Variants in ALDH1A1 observed in about 807,000 individuals in gnomAD.
ALDH1A1 encodes aldehyde dehydrogenase 1 family member A1.
ALDH1A1 carries 19 observed loss-of-function variants against 62.1 expected under a neutral mutation model. That is an observed-to-expected ratio of 0.31 (90% confidence interval 0.21 to 0.45). The LOEUF (loss-of-function observed/expected upper bound fraction) is 0.45. Ranked by LOEUF, ALDH1A1 falls within the 20% of genes least tolerant of loss-of-function variation. The pLI is 1.00. For missense variants in ALDH1A1, 521 were observed against 607.1 expected, an observed-to-expected ratio of 0.86 and a Z score of 1.49; for synonymous variants, 231 against 215.9, an observed-to-expected ratio of 1.07 and a Z score of -0.61.
chr9:72,948,850 A>G (rs1830504289), intron 1 of ALDH1A1, among the ~76,000 whole-genome samples: 1 of 151,766 alleles, frequency 6.6e-6, no homozygotes, highest in African/African-American at 2.4e-5. Context: ...AATATGGGAG[A>G]AACGAAAAGC....
intron 9 of ALDH1A1, among the ~76,000 whole-genome samples, chr9:72,914,486 T>C (rs1052728796): frequency 2.6e-5 from 4 of 152,174 alleles, no homozygotes; most frequent in African/African-American, 9.6e-5. Context: ...GAGGCTGGAT[T>C]TTAAATCCAG....
intron 10 of ALDH1A1, among the ~76,000 whole-genome samples, chr9:72,911,710 C>A (rs560222529): frequency 1.3e-4 from 20 of 152,292 alleles, no homozygotes; most frequent in African/African-American, 4.6e-4. Flanking sequence ...GCTGTGAAGG[C>A]AGCACCTGAA....
chr9:72,909,577 G>A (rs368051918), intron 11 of ALDH1A1, 25 bp downstream of exon 11: 5 of 1,588,918 alleles, frequency 3.1e-6, no homozygotes, highest in African/African-American at 1.4e-5. Context: ...TACTGAAAAG[G>A]CTACATTCCT....
chr9:72,930,172 T>C (rs1332634804), intron 3 of ALDH1A1, among the ~76,000 whole-genome samples: 3 of 152,200 alleles, frequency 2.0e-5, no homozygotes, highest in Non-Finnish European at 4.4e-5. Context: ...TTCATCATAA[T>C]GCCCAATTGA....
intron 11 of ALDH1A1, 46 bp downstream of exon 11, chr9:72,909,556 A>C (rs148476322): frequency 6.5e-7 from 1 of 1,534,632 alleles, no homozygotes; most frequent in Non-Finnish European, 8.8e-7. Context: ...GTAATCTGTT[A>C]ATGTGGTTAT....
At chr9:72,942,913 T>C (rs1334283494) in intron 1 of ALDH1A1, among the ~76,000 whole-genome samples, 1 of 152,168 alleles carries the variant, frequency 6.6e-6, no homozygotes, top group East Asian at 1.9e-4. Context: ...ATCCTACTGA[T>C]AAATTACTTA....
intron 1 of ALDH1A1, 72 bp from the exon 2 acceptor site, chr9:72,940,324 T>A: frequency 9.3e-7 from 1 of 1,080,824 alleles, no homozygotes; most frequent in Non-Finnish European, 1.4e-6. Context: ...TTCATAAACT[T>A]AAACTAAAGC....
At chr9:72,931,926 T>A (rs574141305) in intron 2 of ALDH1A1, among the ~76,000 whole-genome samples, 3 of 152,360 alleles carry the variant, frequency 2.0e-5, no homozygotes, top group South Asian at 4.1e-4. Context: ...TTCACTCTCA[T>A]AGTGCCTTCA....
intron 12 of ALDH1A1, 82 bp downstream of exon 12, chr9:72,905,876 T>C: frequency 5.1e-6 from 6 of 1,185,588 alleles, no homozygotes; most frequent in Non-Finnish European, 7.1e-6. Flanking sequence ...TTATGTAAGG[T>C]GAAAACTATG....
rs1284016360 is a variant in ALDH1A1 at position 72,900,846 on chromosome 9, C to G, written c.*362G>C. On this transcript the variant is annotated 3_prime_UTR_variant, in exon 13 of 13. Transcript: ENST00000297785. ...CTGCAGTTAACGTGTATGTTAAGTACTTCAAGAGTCACTAAGGGAAAGAAG... is the reference window on the plus strand; with the variant it reads ...CTGCAGTTAACGTGTATGTTAAGTAGTTCAAGAGTCACTAAGGGAAAGAAG... 5.6e-6 allele frequency: 1 copy of G among 177,708 alleles called. No homozygotes were observed. Among genetic ancestry groups the G allele is most frequent in the Non-Finnish European group, 1.2e-5 (1 of 83,346 alleles). 11.0% of individuals were successfully genotyped at this position (177,708 alleles called of 1,614,324 possible).
intron 1 of ALDH1A1, among the ~76,000 whole-genome samples, chr9:72,950,523 A>T (rs1830531528): frequency 6.6e-6 from 1 of 151,930 alleles, no homozygotes; most frequent in Non-Finnish European, 1.5e-5. Flanking sequence ...ACCCCAACAA[A>T]GAAATAATCA....
chr9:72,937,196 C>T (rs1362200177), intron 2 of ALDH1A1, among the ~76,000 whole-genome samples: 1 of 151,944 alleles, frequency 6.6e-6, no homozygotes, highest in East Asian at 1.9e-4. Context: ...TATACTATAT[C>T]TATAGTATAG....
rs1472844552 is a variant in ALDH1A1 at position 72,925,979 on chromosome 9, G to T, written c.505-367C>A. ...TCTCCTTCTCCATAAGTCATTTATT[G>T]TAATTATTTACCCAATAATATTATT... On this transcript the variant is annotated intron_variant, in intron 5 of 12. Coordinates refer to ENST00000297785, the MANE Select transcript of ALDH1A1 (RefSeq NM_000689.5). Among the ~76,000 whole-genome samples, 2 of 152,216 alleles carry T rather than the reference G, an allele frequency of 1.3e-5. 1 individual carries two copies. The highest frequency in any genetic ancestry group is 1.3e-4 in the Admixed American group (2 of 15,286).
In ALDH1A1 at chr9:72,929,416, T is replaced by C. The variant is rs548431497; in HGVS notation, c.313-395A>G. On this transcript the variant is annotated intron_variant, in intron 3 of 12. Coordinates refer to ENST00000297785, the MANE Select transcript of ALDH1A1 (RefSeq NM_000689.5). ...ACTGTGGGTGACAACTTAGTGTCAGTGACTATTAATGATGGCTCAGTAATC... is the reference window on the plus strand; with the variant it reads ...ACTGTGGGTGACAACTTAGTGTCAGCGACTATTAATGATGGCTCAGTAATC... Among the ~76,000 whole-genome samples the C allele has an allele frequency of 2.0e-5, 3 of 152,336 alleles. No homozygotes were observed. The East Asian group carries it at 5.8e-4, about 29-fold the overall frequency.
At chr9:72,930,738 G>C in intron 3 of ALDH1A1, 141 bp downstream of exon 3, 1 of 840,090 alleles carries the variant, frequency 1.2e-6, no homozygotes, top group South Asian at 1.8e-5. Flanking sequence ...ATGTTAAGGG[G>C]CCTATTCATT....
At chr9:72,930,483 C>G (rs943966044) in intron 3 of ALDH1A1, among the ~76,000 whole-genome samples, 5 of 152,096 alleles carry the variant, frequency 3.3e-5, no homozygotes, top group African/African-American at 1.2e-4. Context: ...GCACCCTTAA[C>G]AAACTTGAGT....
chr9:72,909,828 T>G, intron 10 of ALDH1A1, 69 bp from the exon 11 acceptor site: 1 of 1,333,730 alleles, frequency 7.5e-7, no homozygotes, highest in Non-Finnish European at 1.0e-6. Context: ...ATATCGTAGA[T>G]TTTTTTTCCT....
At chr9:72,939,242 G>A (rs1480048244) in intron 2 of ALDH1A1, among the ~76,000 whole-genome samples, 1 of 152,052 alleles carries the variant, frequency 6.6e-6, no homozygotes, top group Non-Finnish European at 1.5e-5. Context: ...CTGCCCTATA[G>A]GGTTGCTTTA....
Position 72,924,089 on chromosome 9 carries a change from C to T in ALDH1A1, c.677G>A (p.Gly226Glu). 6.2e-7 allele frequency: 1 copy of T among 1,612,880 alleles called. No individual in the cohort carries two copies. Among genetic ancestry groups the T allele is most frequent in the Non-Finnish European group, 8.5e-7 (1 of 1,179,380 alleles). The change falls in exon 7 of 13, where the codon GGG (glycine) becomes GAG (glutamate). Residue 226 changes from glycine to glutamate, a missense_variant. Physicochemically the swap from Gly to Glu is moderately conservative, Grantham distance 98. Coordinates refer to ENST00000297785, the MANE Select transcript of ALDH1A1 (RefSeq NM_000689.5). ...AGAAATGGCTGCCCCTGCTGTAGGCCCATAACCAGGAACAATATTCACTAC... is the reference window on the plus strand; with the variant it reads ...AGAAATGGCTGCCCCTGCTGTAGGCTCATAACCAGGAACAATATTCACTAC... ...PGVVNIVPGY[G>E]PTAGAAISSH... is the part of the protein sequence containing the mutation.
Sources: gnomAD v4.1 joint callset for allele counts (sites outside exome capture counted in the v4.1 genomes callset) on GRCh38, gnomAD v4.1.1 for gene constraint, MANE v1.5 for transcripts, NCBI Gene and HGNC (gene_info 2026-07-23, HGNC 2026-07-21) for gene names.